Variants in LARP1B observed in about 807,000 individuals in gnomAD.
LARP1B encodes the protein La ribonucleoprotein 1B.
In LARP1B, 76 loss-of-function variants were observed where a neutral mutation model predicts 114.2. The observed-to-expected ratio is 0.67, with a 90% CI of 0.55 to 0.81. The LOEUF (loss-of-function observed/expected upper bound fraction) is 0.81. Among genes scored for constraint, LARP1B ranks in the 30% least tolerant of loss-of-function variants. The pLI is 0.00. For missense variants in LARP1B, 1,014 were observed against 1,075.8 expected, an observed-to-expected ratio of 0.94 and a Z score of 0.80; for synonymous variants, 345 against 348.0, an observed-to-expected ratio of 0.99 and a Z score of 0.10.
At chr4:128,110,011 C>A (rs943018788) in intron 9 of LARP1B, among the ~76,000 whole-genome samples, 2 of 152,246 alleles carry the variant, frequency 1.3e-5, no homozygotes, top group East Asian at 3.9e-4. Flanking sequence ...TCAAGCAATT[C>A]TCTTGCCTCA....
intron 11 of LARP1B, among the ~76,000 whole-genome samples, chr4:128,127,156 G>A: frequency 6.6e-6 from 1 of 152,154 alleles, no homozygotes; most frequent in East Asian, 1.9e-4. Flanking sequence ...TTCAGTAAGA[G>A]TGTAGAATAT....
chr4:128,209,952 C>T lies in LARP1B; in HGVS notation c.2644C>T (p.Pro882Ser), dbSNP rs761268737. The T allele has an allele frequency of 2.5e-6, 4 of 1,613,672 alleles. No homozygotes were observed. Among genetic ancestry groups the T allele is most frequent in the Non-Finnish European group, 2.5e-6 (3 of 1,179,754 alleles). ...HRLPPNSSTK[P>S]PNAAKPTSTS... ...ACTTCCACCTAATTCCTCTACAAAG[C>T]CACCAAATGCTGCTAAACCTACATC... Residue 882 changes from proline (P) to serine (S), a missense_variant, in exon 20 of 20, where the codon CCA becomes TCA. Coordinates refer to ENST00000326639, the MANE Select transcript of LARP1B (RefSeq NM_018078.4).
intron 10 of LARP1B, among the ~76,000 whole-genome samples, chr4:128,116,944 C>A (rs1363977422): frequency 7.6e-6 from 1 of 131,248 alleles, no homozygotes; most frequent in African/African-American, 2.8e-5. Flanking sequence ...TTGAGTCTTG[C>A]TGTGTCGCCC....
At chr4:128,098,767 A>ATATATATTTTTT (rs1328165907) in intron 8 of LARP1B, among the ~76,000 whole-genome samples, 5 of 35,028 alleles carry the variant, frequency 1.4e-4, no homozygotes, top group East Asian at 1.3e-3. Flanking sequence ...ATATATATAT[A>ATATATATTTTTT]TTTTTTTTTT....
rs560039215 is a variant in LARP1B at position 128,070,281 on chromosome 4, C to T, written c.-77-4179C>T. Among the ~76,000 whole-genome samples, 12 of 150,190 alleles carry T rather than the reference C, an allele frequency of 8.0e-5. No homozygotes were observed. The South Asian group carries it at 2.3e-3, about 29-fold the overall frequency. ...CTTGCAGTGAGCAGAGATTGCACCA[C>T]TGCACTCCAGCCTGGGTGACAGAGT... On this transcript the variant is annotated intron_variant, in intron 1 of 19. Coordinates refer to ENST00000326639, the MANE Select transcript of LARP1B (RefSeq NM_018078.4).
intron 15 of LARP1B, among the ~76,000 whole-genome samples, chr4:128,191,974 G>A (rs1158608848): frequency 6.6e-6 from 1 of 152,100 alleles, no homozygotes; most frequent in Non-Finnish European, 1.5e-5. Flanking sequence ...CTTACTGTTT[G>A]CTTGGAGTTT....
intron 17 of LARP1B, among the ~76,000 whole-genome samples, chr4:128,204,516 G>A (rs1196893364): frequency 6.6e-6 from 1 of 151,878 alleles, no homozygotes; most frequent in Non-Finnish European, 1.5e-5. Flanking sequence ...TTAGCCAGAC[G>A]TGGTGGCAGG....
At chr4:128,145,671 T>C (rs1222038596) in intron 11 of LARP1B, among the ~76,000 whole-genome samples, 1 of 152,212 alleles carries the variant, frequency 6.6e-6, no homozygotes, top group Admixed American at 6.5e-5. Context: ...AGTTATACTT[T>C]GCTTGGGCTG....
At chr4:128,082,094 G>C in intron 4 of LARP1B, 71 bp from the exon 5 acceptor site, 1 of 1,365,520 alleles carries the variant, frequency 7.3e-7, no homozygotes, top group Non-Finnish European at 1.0e-6. Flanking sequence ...TTAAAGTTCA[G>C]AGTGCTTTCA....
chr4:128,124,789 G>GA (rs916781730), intron 11 of LARP1B, among the ~76,000 whole-genome samples: 5 of 152,168 alleles, frequency 3.3e-5, no homozygotes, highest in African/African-American at 1.2e-4. Context: ...TCTGAGCCTT[G>GA]AGGAATGATT....
chr4:128,187,380 G>A (rs1383302985), intron 15 of LARP1B, among the ~76,000 whole-genome samples: 1 of 152,268 alleles, frequency 6.6e-6, no homozygotes, highest in East Asian at 1.9e-4. Flanking sequence ...AACATATGGA[G>A]TCAAAGGATA....
intron 12 of LARP1B, among the ~76,000 whole-genome samples, chr4:128,166,539 A>G (rs1740891915): frequency 6.6e-6 from 1 of 151,898 alleles, no homozygotes; most frequent in South Asian, 2.1e-4. Context: ...AGTTAAGCAA[A>G]TGAACATATT....
rs3733320 is a variant in LARP1B at position 128,122,131 on chromosome 4, C to T, written c.1467C>T (p.Tyr489=). 0.64 allele frequency: 1,036,827 copies of T among 1,613,134 alleles called. 337,391 individuals are homozygous for T. The highest frequency in any genetic ancestry group is 0.83 in the Middle Eastern group (5,002 of 6,058). Residue 489 remains tyrosine, a synonymous_variant, in exon 11 of 20, where the codon TAC becomes TAT. Coordinates refer to ENST00000326639, the MANE Select transcript of LARP1B (RefSeq NM_018078.4). The part of the protein sequence containing the change: ...ELAKVINDGL[Y]YYEQDLWMEE... The stretch of plus-strand genomic sequence containing the variant: ...CTAAAGTTATCAATGATGGCTTATA[C>T]TATTATGAACAGGATCTATGGATGG...
chr4:128,181,030 A>C (rs6534669), intron 15 of LARP1B, among the ~76,000 whole-genome samples: 112,970 of 152,014 alleles, frequency 0.74, 42,350 homozygotes, highest in Middle Eastern at 0.86. Flanking sequence ...AAGTGGGTTT[A>C]ATGTAGGCAG....
chr4:128,138,182 A>G (rs796473387), intron 11 of LARP1B, among the ~76,000 whole-genome samples: 1 of 152,202 alleles, frequency 6.6e-6, no homozygotes, highest in South Asian at 2.1e-4. Context: ...TAATCATATC[A>G]GGACTTAATT....
chr4:128,213,812 A>C (rs1237133048), downstream of LARP1B, among the ~76,000 whole-genome samples: 2 of 152,234 alleles, frequency 1.3e-5, no homozygotes, highest in Non-Finnish European at 2.9e-5. Context: ...AAGATGGCTG[A>C]ATAGGAACAG....
intron 13 of LARP1B, 71 bp from the exon 14 acceptor site, chr4:128,178,360 A>G (rs1747145827): frequency 8.9e-7 from 1 of 1,117,572 alleles, no homozygotes; most frequent in Non-Finnish European, 1.3e-6. Flanking sequence ...AGAATTACAA[A>G]ATTATCCTTA....
chr4:128,066,943 G>A (rs908474207), intron 1 of LARP1B, among the ~76,000 whole-genome samples: 1 of 151,414 alleles, frequency 6.6e-6, no homozygotes, highest in Non-Finnish European at 1.5e-5. Context: ...GACTACAGGC[G>A]CGCGCAACCA....
In LARP1B at chr4:128,121,826, G is replaced by T. The variant is rs1184794038; in HGVS notation, c.1162G>T (p.Glu388Ter). The T allele has an allele frequency of 6.6e-7, 1 of 1,524,354 alleles. No individual in the cohort carries two copies. The highest frequency in any genetic ancestry group is 8.8e-7 in the Non-Finnish European group (1 of 1,138,566). 94.4% of individuals were successfully genotyped at this position (1,524,354 alleles called of 1,614,324 possible). The change falls in exon 11 of 20, where the codon GAA becomes TAA. Residue 388 changes from glutamate (E) to a stop codon, truncating the protein, a stop_gained and splice_region_variant. Transcript: ENST00000326639. LOFTEE classifies it high-confidence loss of function. ...RHQPAPVKLR[E>*]SVSVPEGSLN... ...ATAAATTACCAATTTCTTCCTTCAG[G>T]AATCAGTGTCTGTCCCTGAAGGGTC...
Sources: allele counts gnomAD v4.1 joint callset (sites outside exome capture counted in the v4.1 genomes callset), GRCh38; gene constraint gnomAD v4.1.1; transcripts MANE v1.5; gene names NCBI Gene and HGNC (gene_info 2026-07-23, HGNC 2026-07-21).